ETV3: variants seen among roughly 807,000 people sequenced by gnomAD.
ETV3 encodes ETS variant transcription factor 3.
In ETV3, 8 loss-of-function variants were observed where a neutral mutation model predicts 33.0. The ratio of observed to expected loss-of-function variants is 0.24; its 90% CI spans 0.14 to 0.44. The LOEUF is 0.44. ETV3 is among the 20% of genes least tolerant of loss of function. The pLI, the probability that ETV3 is intolerant of heterozygous loss-of-function variation, is 1.00. For synonymous variants in ETV3, 222 were observed against 238.9 expected, an observed-to-expected ratio of 0.93 and a Z score of 0.65; for missense variants, 473 against 652.3, an observed-to-expected ratio of 0.73 and a Z score of 2.99.
chr1:157,130,542 G>T (rs773065632), intron 4 of ETV3, among the ~76,000 whole-genome samples: 18 of 152,150 alleles, frequency 1.2e-4, no homozygotes, highest in Non-Finnish European at 2.1e-4. Flanking sequence ...CCTAGTACAA[G>T]TAGCACACTG....
chr1:157,137,556 G>A (rs978803492), intron 1 of ETV3, among the ~76,000 whole-genome samples: 11 of 149,726 alleles, frequency 7.3e-5, no homozygotes, highest in African/African-American at 2.7e-4. Context: ...ACACACACAC[G>A]AGATACATAA....
At position 157,125,639 on chromosome 1, in the gene ETV3, G is replaced by A. The variant is rs535102929; in HGVS notation, c.741C>T (p.Phe247=). 9.7e-6 allele frequency: 15 copies of A among 1,551,688 alleles called. No individual in the cohort carries two copies. The highest frequency in any genetic ancestry group is 2.7e-5 in the African/African-American group (2 of 73,142). ...PGMYPDPHSP[F]AVSPIPGRGG... is the part of the protein sequence containing the mutation. ...CGCGGCCAGGGATTGGAGAGACAGC[G>A]AAGGGACTGTGGGGGTCAGGGTACA... The change falls in exon 5 of 5, where the codon TTC becomes TTT. Residue 247 remains phenylalanine (F), a synonymous_variant. Transcript: ENST00000368192. This position sits in a 1 kb window ranked among gnomAD's most constrained non-coding sequence, Gnocchi z 4.0.
At chr1:157,134,600 G>C (rs374259773) in intron 3 of ETV3, among the ~76,000 whole-genome samples, 7 of 152,214 alleles carry the variant, frequency 4.6e-5, no homozygotes, top group African/African-American at 9.7e-5. Flanking sequence ...TTGCCCAGGT[G>C]GGGGCAGACA....
chr1:157,134,062 ATTCTT>A, intron 4 of ETV3, 45 bp downstream of exon 4: 1 of 1,589,872 alleles, frequency 6.3e-7, no homozygotes, highest in African/African-American at 1.4e-5. Context: ...ATTTTTAAAA[ATTCTT>A]TTCAATTCAA....
At chr1:157,135,323 A>C in intron 3 of ETV3, 148 bp downstream of exon 3, 1 of 937,812 alleles carries the variant, frequency 1.1e-6, no homozygotes, top group Non-Finnish European at 1.6e-6. Flanking sequence ...CACATTCAAC[A>C]GCTCTTCTAC....
Position 157,125,404 on chromosome 1 carries a change from T to G in ETV3, c.976A>C (p.Met326Leu), listed in dbSNP as rs983547959. ...PRTFPRYPGL[M>L]VPPLQCQMHP... ...ATTTGGCACTGCAGTGGTGGAACCA[T>G]GAGCCCTGGGTAACGGGGAAAAGTC... Residue 326 changes from methionine to leucine, a missense_variant, in exon 5 of 5, where the codon ATG becomes CTG. Physicochemically the swap from Met to Leu is conservative, Grantham distance 15. Coordinates refer to ENST00000368192, the MANE Select transcript of ETV3 (RefSeq NM_001145312.3). This position sits in a 1 kb window ranked among gnomAD's most constrained non-coding sequence, Gnocchi z 4.0. 2 of 1,552,060 alleles carry G rather than the reference T, an allele frequency of 1.3e-6. No homozygotes were observed. Among genetic ancestry groups the G allele is most frequent in the Admixed American group, 2.0e-5 (1 of 50,992 alleles).
At position 157,121,863 on chromosome 1, in the gene ETV3, A is replaced by C. The variant is rs1674717670; in HGVS notation, c.*2978T>G. On this transcript the variant is annotated 3_prime_UTR_variant, in exon 5 of 5. Transcript: ENST00000368192. ...AGTGAGTTGGGTTTAATGCAGCTTC[A>C]AAATTAGGGTAAAGGGACTTGGTGA... 1 of 152,216 alleles carries C rather than the reference A, an allele frequency of 6.6e-6. No individual in the cohort carries two copies. Among genetic ancestry groups the C allele is most frequent in the Non-Finnish European group, 1.5e-5 (1 of 68,042 alleles). 9.4% of individuals were successfully genotyped at this position (152,216 alleles called of 1,614,324 possible). A position where few individuals can be genotyped will look rare whatever the true frequency, so the allele number is the denominator to read the frequency against.
chr1:157,121,316 T>C lies in ETV3; in HGVS notation c.*3525A>G, dbSNP rs946930768. ...TATGTATATTATACATATATTTCTATAACATTACATCATATATATATAATA... is the reference window on the plus strand; with the variant it reads ...TATGTATATTATACATATATTTCTACAACATTACATCATATATATATAATA... On this transcript the variant is annotated 3_prime_UTR_variant, in exon 5 of 5. Transcript: ENST00000368192. 1.3e-5 allele frequency: 2 copies of C among 151,752 alleles called. No individual in the cohort carries two copies. Among genetic ancestry groups the C allele is most frequent in the South Asian group, 2.1e-4 (1 of 4,814 alleles). The allele number at this position is 151,752 out of a possible 1,614,324, so 9.4% of individuals were successfully genotyped here. A position where few individuals can be genotyped will look rare whatever the true frequency, so the allele number is the denominator to read the frequency against.
intron 4 of ETV3, among the ~76,000 whole-genome samples, chr1:157,130,808 A>G (rs950959480): frequency 6.6e-6 from 1 of 152,234 alleles, no homozygotes; most frequent in African/African-American, 2.4e-5. Context: ...TAATCATGGT[A>G]CAAAATTTAA....
chr1:157,126,453 C>A (rs1207747542), intron 4 of ETV3, among the ~76,000 whole-genome samples: 1 of 152,076 alleles, frequency 6.6e-6, no homozygotes, highest in South Asian at 2.1e-4. Flanking sequence ...ATAATTTTGG[C>A]CATATATATA....
intron 4 of ETV3, among the ~76,000 whole-genome samples, chr1:157,131,026 TAGAA>T (rs765836212): frequency 5.3e-5 from 8 of 152,128 alleles, no homozygotes; most frequent in Non-Finnish European, 1.2e-4. Context: ...TATATATAAA[TAGAA>T]AGAGATAAAG....
At position 157,125,075 on chromosome 1, in the gene ETV3, C is replaced by T. The variant is rs2103198341; in HGVS notation, c.1305G>A (p.Val435=). 3 of 1,546,524 alleles carry T rather than the reference C, an allele frequency of 1.9e-6. No individual in the cohort carries two copies. The highest frequency in any genetic ancestry group is 4.9e-5 in the East Asian group (2 of 40,898). ...GTTCTCCACTTGGGGTGCTAATGGG[C>T]ACAGAGGGCCAGATGGGTGGTGCAG... The part of the protein sequence containing the change: ...RPAAPPIWPS[V]PISTPSGEPL... Residue 435 remains valine, a synonymous_variant, in exon 5 of 5, where the codon GTG becomes GTA. Transcript: ENST00000368192. The surrounding 1 kb of genome is among the most constrained non-coding windows in gnomAD (Gnocchi z 4.0).
intron 4 of ETV3, among the ~76,000 whole-genome samples, chr1:157,132,509 C>G (rs752330793): frequency 6.6e-6 from 1 of 152,068 alleles, no homozygotes; most frequent in Non-Finnish European, 1.5e-5. Context: ...AAGAACAAGA[C>G]GAATGAAACA....
At chr1:157,133,312 G>A (rs1190197112) in intron 4 of ETV3, 10 of 700,804 alleles carry the variant, frequency 1.4e-5, no homozygotes, top group Non-Finnish European at 1.8e-5. Context: ...AATGGAGTTT[G>A]GTACTATCTG....
intron 4 of ETV3, chr1:157,133,030 T>C (rs1675004721): frequency 6.6e-6 from 1 of 152,234 alleles, no homozygotes; most frequent in Non-Finnish European, 1.5e-5. Context: ...GATGGACTGG[T>C]CAGAAAACAG....
rs1193265874 is a variant in ETV3 at position 157,137,507 on chromosome 1, AAAACAC to A, written c.-14+803_-14+808del. ...CCCCAAAGGAAGGAGCAGACAAGGA[AAAACAC>A]ACACACACACACACACACACACACA... On this transcript the variant is annotated intron_variant, in intron 1 of 4. Transcript: ENST00000368192. Among the ~76,000 whole-genome samples the A allele has an allele frequency of 3.2e-4, 34 of 107,594 alleles. No homozygotes were observed. The East Asian group carries it at 9.1e-3, about 29-fold the overall frequency. The allele number at this position is 107,594 out of a possible 152,430, so 70.6% of individuals were successfully genotyped here. A position where few individuals can be genotyped will look rare whatever the true frequency, so the allele number is the denominator to read the frequency against.
intron 1 of ETV3, among the ~76,000 whole-genome samples, chr1:157,137,544 T>TCA (rs1302537100): frequency 9.8e-5 from 14 of 143,496 alleles, no homozygotes; most frequent in African/African-American, 2.1e-4. Flanking sequence ...ACACACACTC[T>TCA]CACACACACA....
intron 3 of ETV3, chr1:157,134,949 C>T: frequency 6.2e-6 from 1 of 160,828 alleles, no homozygotes; most frequent in Non-Finnish European, 1.4e-5. Context: ...AAAAAAGAAC[C>T]TGAGAAAACT....
chr1:157,133,914 AATCT>A, intron 4 of ETV3, 194 bp downstream of exon 4: 1 of 1,397,290 alleles, frequency 7.2e-7, no homozygotes, highest in African/African-American at 1.5e-5. Flanking sequence ...AAACCAAAGA[AATCT>A]ATCTTGATAC....
Sources: allele counts gnomAD v4.1 joint callset (sites outside exome capture counted in the v4.1 genomes callset), GRCh38; gene constraint gnomAD v4.1.1; non-coding constraint Gnocchi (gnomAD v3.1); transcripts MANE v1.5; gene names NCBI Gene and HGNC (gene_info 2026-07-23, HGNC 2026-07-21).